Variants in XNDC1N observed in about 807,000 individuals in gnomAD.
XNDC1N encodes the protein XRCC1 N-terminal domain containing 1, N-terminal like.
the XNDC1N span, among the ~76,000 whole-genome samples, chr11:71,870,899 T>G: frequency 6.6e-6 from 1 of 152,190 alleles, no homozygotes; most frequent in Admixed American, 6.5e-5. Context: ...TGGGAGAGGA[T>G]GTGTAGAAAA....
chr11:71,898,624 AT>A, the XNDC1N span, among the ~76,000 whole-genome samples: 1 of 152,166 alleles, frequency 6.6e-6, no homozygotes, highest in Non-Finnish European at 1.5e-5. Context: ...AAACAATTAA[AT>A]ACAGTATGAT....
At chr11:71,907,241 C>A in the XNDC1N span, among the ~76,000 whole-genome samples, 1 of 152,044 alleles carries the variant, frequency 6.6e-6, no homozygotes, top group Non-Finnish European at 1.5e-5. Flanking sequence ...AAATAATGTC[C>A]CAGGGTGTTA....
At chr11:71,909,863 C>G in the XNDC1N span, among the ~76,000 whole-genome samples, 2 of 152,150 alleles carry the variant, frequency 1.3e-5, no homozygotes, top group Non-Finnish European at 2.9e-5. Flanking sequence ...GAGCATGGCT[C>G]TTTGCTGGTA....
chr11:71,901,007 T>G, the XNDC1N span, among the ~76,000 whole-genome samples: 1 of 152,190 alleles, frequency 6.6e-6, no homozygotes, highest in African/African-American at 2.4e-5. Context: ...CTGCTCACTA[T>G]GCCCTTCCCT....
chr11:71,897,108 G>A, the XNDC1N span, among the ~76,000 whole-genome samples: 7 of 152,248 alleles, frequency 4.6e-5, no homozygotes, highest in South Asian at 6.2e-4. Flanking sequence ...CACCCCAAGC[G>A]CTAAAAGTAT....
chr11:71,887,133 C>T, the XNDC1N span, among the ~76,000 whole-genome samples: 3 of 152,146 alleles, frequency 2.0e-5, no homozygotes, highest in Non-Finnish European at 2.9e-5. Context: ...CAATGACAGT[C>T]GGGGGTGGAG....
the XNDC1N span, among the ~76,000 whole-genome samples, chr11:71,900,753 G>T: frequency 9.7e-4 from 148 of 152,296 alleles, no homozygotes; most frequent in Non-Finnish European, 1.8e-3. Flanking sequence ...TGAGCTCTGT[G>T]CTCTATGCAG....
At chr11:71,908,733 T>G in the XNDC1N span, among the ~76,000 whole-genome samples, 1 of 152,208 alleles carries the variant, frequency 6.6e-6, no homozygotes, top group African/African-American at 2.4e-5. Context: ...CCACCTGTGC[T>G]GATTGGCACC....
At chr11:71,906,650 G>A in the XNDC1N span, among the ~76,000 whole-genome samples, 3 of 152,104 alleles carry the variant, frequency 2.0e-5, no homozygotes, top group Admixed American at 2.0e-4. Context: ...TAGTAGTCAC[G>A]TTTTCCTAGA....
the XNDC1N span, among the ~76,000 whole-genome samples, chr11:71,896,942 C>A: frequency 2.3e-4 from 35 of 152,292 alleles, no homozygotes; most frequent in African/African-American, 8.4e-4. Context: ...TTTATGTTCA[C>A]ATGATTTTTC....
chr11:71,899,141 G>T, the XNDC1N span, among the ~76,000 whole-genome samples: 1 of 152,138 alleles, frequency 6.6e-6, no homozygotes, highest in African/African-American at 2.4e-5. Context: ...AAGGAGCTCT[G>T]TGCCTTGAGC....
At chr11:71,892,687 T>G in the XNDC1N span, among the ~76,000 whole-genome samples, 1 of 152,146 alleles carries the variant, frequency 6.6e-6, no homozygotes, top group Admixed American at 6.5e-5. Flanking sequence ...GGCTAATTTT[T>G]TTTTTTAATT....
chr11:71,865,586 T>G, the XNDC1N span: 1 of 161,836 alleles, frequency 6.2e-6, no homozygotes, highest in Non-Finnish European at 1.3e-5. Flanking sequence ...AGAATGGCTA[T>G]TCCATAGGCA....
At chr11:71,898,790 G>C in the XNDC1N span, among the ~76,000 whole-genome samples, 3 of 152,118 alleles carry the variant, frequency 2.0e-5, no homozygotes, top group Admixed American at 6.5e-5. Context: ...AGACGATGAC[G>C]GTGATGGTTG....
the XNDC1N span, among the ~76,000 whole-genome samples, chr11:71,891,169 C>T: frequency 4.0e-4 from 61 of 152,094 alleles, 1 homozygote; most frequent in African/African-American, 1.4e-3. Context: ...TGATATCATA[C>T]TCTTTCACTC....
chr11:71,869,249 T>C, the XNDC1N span, among the ~76,000 whole-genome samples: 276 of 151,948 alleles, frequency 1.8e-3, 1 homozygote, highest in African/African-American at 6.5e-3. Context: ...CCCCTTCCTG[T>C]GTCCAAGTGA....
At chr11:71,908,211 T>C in the XNDC1N span, among the ~76,000 whole-genome samples, 1 of 151,902 alleles carries the variant, frequency 6.6e-6, no homozygotes, top group Non-Finnish European at 1.5e-5. Flanking sequence ...TATTAAGAAA[T>C]AATTGCTAAT....
At chr11:71,888,190 G>A in the XNDC1N span, among the ~76,000 whole-genome samples, 6 of 152,178 alleles carry the variant, frequency 3.9e-5, no homozygotes, top group South Asian at 2.1e-4. Flanking sequence ...CAAGAGGAAA[G>A]CTCAGATCTG....
the XNDC1N span, among the ~76,000 whole-genome samples, chr11:71,909,982 C>G: frequency 6.6e-6 from 1 of 152,092 alleles, no homozygotes; most frequent in Admixed American, 6.6e-5. Flanking sequence ...TCTGGCTAAG[C>G]GGTGGCCAAG....
Sources: gnomAD v4.1 joint callset for allele counts (sites outside exome capture counted in the v4.1 genomes callset) on GRCh38, gnomAD v4.1.1 for gene constraint, MANE v1.5 for transcripts, NCBI Gene and HGNC (gene_info 2026-07-23, HGNC 2026-07-21) for gene names.